Variants in SKAP2 observed in about 807,000 individuals in gnomAD.
SKAP2 encodes the protein src kinase associated phosphoprotein 2, also known as src kinase-associated phosphoprotein 2.
SKAP2 carries 28 observed loss-of-function variants against 54.9 expected under a neutral mutation model. The ratio of observed to expected loss-of-function variants is 0.51; its 90% CI spans 0.38 to 0.70. The LOEUF (loss-of-function observed/expected upper bound fraction) is 0.70, where lower values mean the gene tolerates loss of function less well. Ranked by LOEUF, SKAP2 falls within the 30% of genes least tolerant of loss-of-function variation. The pLI, the probability that SKAP2 is intolerant of heterozygous loss-of-function variation, is 0.00. For synonymous variants in SKAP2, 137 were observed against 134.3 expected, an observed-to-expected ratio of 1.02 and a Z score of -0.14; for missense variants, 356 against 424.1, an observed-to-expected ratio of 0.84 and a Z score of 1.41.
intron 11 of SKAP2, among the ~76,000 whole-genome samples, chr7:26,671,755 A>G (rs757976069): frequency 7.2e-5 from 11 of 152,032 alleles, no homozygotes; most frequent in Non-Finnish European, 1.5e-4. Flanking sequence ...AGGAACGAGG[A>G]TACTCTGATG....
At chr7:26,834,057 A>G (rs1359792696) in intron 4 of SKAP2, among the ~76,000 whole-genome samples, 3 of 152,240 alleles carry the variant, frequency 2.0e-5, no homozygotes, top group Non-Finnish European at 4.4e-5. Context: ...ACACCGCACA[A>G]CTACATGGAA....
the SKAP2 span, among the ~76,000 whole-genome samples, chr7:26,657,384 T>C: frequency 1.3e-5 from 2 of 152,132 alleles, no homozygotes; most frequent in Non-Finnish European, 2.9e-5. Flanking sequence ...CCTTCCTGCT[T>C]CCCATCAAAA....
At chr7:26,689,748 A>T (rs923686109) in intron 10 of SKAP2, among the ~76,000 whole-genome samples, 12 of 152,326 alleles carry the variant, frequency 7.9e-5, no homozygotes, top group African/African-American at 2.9e-4. Flanking sequence ...GATTTTTATC[A>T]AAGAAGACAG....
chr7:26,715,578 A>G (rs539994751), intron 9 of SKAP2, among the ~76,000 whole-genome samples: 1 of 152,062 alleles, frequency 6.6e-6, no homozygotes, highest in Admixed American at 6.5e-5. Context: ...GGAGTTCAAG[A>G]CCAGCCTGGC....
At chr7:26,751,963 C>A (rs1249007203) in intron 4 of SKAP2, among the ~76,000 whole-genome samples, 2 of 152,082 alleles carry the variant, frequency 1.3e-5, no homozygotes, top group South Asian at 2.1e-4. Context: ...AAAGCAAATA[C>A]CTGTATAGAA....
At chr7:26,859,984 CTG>C (rs909222195) in intron 1 of SKAP2, among the ~76,000 whole-genome samples, 4 of 152,180 alleles carry the variant, frequency 2.6e-5, no homozygotes, top group African/African-American at 9.7e-5. Flanking sequence ...GACAACTAAA[CTG>C]TGTTTCAAAT....
intron 9 of SKAP2, among the ~76,000 whole-genome samples, chr7:26,702,962 C>A (rs753927108): frequency 1.3e-5 from 2 of 152,320 alleles, no homozygotes; most frequent in South Asian, 4.1e-4. Flanking sequence ...ATCAGAATCA[C>A]CTGGTGGGCT....
chr7:26,799,838 A>G (rs1783872803), intron 4 of SKAP2, among the ~76,000 whole-genome samples: 1 of 152,164 alleles, frequency 6.6e-6, no homozygotes, highest in African/African-American at 2.4e-5. Context: ...AACATTCAAA[A>G]AAACAGGCGG....
intron 1 of SKAP2, among the ~76,000 whole-genome samples, chr7:26,860,136 G>A (rs1404030986): frequency 6.6e-6 from 1 of 152,052 alleles, no homozygotes; most frequent in African/African-American, 2.4e-5. Context: ...TCTTTTTGAA[G>A]AAAACCAATG....
At chr7:26,721,053 A>G (rs896189777) in intron 9 of SKAP2, among the ~76,000 whole-genome samples, 3 of 152,218 alleles carry the variant, frequency 2.0e-5, no homozygotes, top group Non-Finnish European at 4.4e-5. Flanking sequence ...GGCTGCCTAG[A>G]CTAACAATAT....
intron 4 of SKAP2, among the ~76,000 whole-genome samples, chr7:26,798,626 C>T (rs886633985): frequency 3.3e-5 from 5 of 152,160 alleles, no homozygotes; most frequent in African/African-American, 7.2e-5. Context: ...TAGTATCACA[C>T]TGTAACTGTG....
intron 4 of SKAP2, among the ~76,000 whole-genome samples, chr7:26,757,337 A>G (rs1360107460): frequency 6.6e-6 from 1 of 152,152 alleles, no homozygotes; most frequent in African/African-American, 2.4e-5. Flanking sequence ...TCCATCTTGA[A>G]TTAATTTTTG....
intron 3 of SKAP2, among the ~76,000 whole-genome samples, chr7:26,852,928 A>C (rs1785077104): frequency 6.6e-6 from 1 of 152,220 alleles, no homozygotes; most frequent in African/African-American, 2.4e-5. Flanking sequence ...AAAATGCATA[A>C]ATTCATTTAT....
chr7:26,685,358 A>C (rs1562574892), intron 10 of SKAP2, among the ~76,000 whole-genome samples: 1 of 152,236 alleles, frequency 6.6e-6, no homozygotes, highest in East Asian at 1.9e-4. Flanking sequence ...AAAAAAAAAT[A>C]CTAAACCCTA....
chr7:26,840,190 T>C (rs1784792507), intron 4 of SKAP2, among the ~76,000 whole-genome samples: 1 of 152,124 alleles, frequency 6.6e-6, no homozygotes, highest in African/African-American at 2.4e-5. Flanking sequence ...CTGTTCTATA[T>C]TTTCAGCTTC....
chr7:26,711,395 T>G (rs1787300285), intron 9 of SKAP2, among the ~76,000 whole-genome samples: 1 of 152,182 alleles, frequency 6.6e-6, no homozygotes, highest in Admixed American at 6.6e-5. Flanking sequence ...ACCTTGCAGA[T>G]AGTGAGATAT....
chr7:26,659,057 A>G, the SKAP2 span, among the ~76,000 whole-genome samples: 2 of 152,176 alleles, frequency 1.3e-5, no homozygotes, highest in Admixed American at 1.3e-4. Flanking sequence ...GCGGGGGCTT[A>G]TTCCACAATT....
intron 4 of SKAP2, among the ~76,000 whole-genome samples, chr7:26,813,686 C>T (rs1784204042): frequency 6.6e-6 from 1 of 152,202 alleles, no homozygotes; most frequent in Non-Finnish European, 1.5e-5. Context: ...TGGCTGAACC[C>T]TTCCTGATGA....
At chr7:26,740,112 T>C (rs1782402084) in intron 4 of SKAP2, 148 bp from the exon 5 acceptor site, 2 of 485,434 alleles carry the variant, frequency 4.1e-6, no homozygotes, top group South Asian at 5.8e-5. Flanking sequence ...ATCCATTCCC[T>C]AGATTAATCC....
Sources: gnomAD v4.1 joint callset for allele counts (sites outside exome capture counted in the v4.1 genomes callset) on GRCh38, gnomAD v4.1.1 for gene constraint, MANE v1.5 for transcripts, NCBI Gene and HGNC (gene_info 2026-07-23, HGNC 2026-07-21) for gene names.